The following C1QTNF3 variants were observed in gnomAD, a reference collection of about 807,000 sequenced individuals.
C1QTNF3 encodes C1q and TNF related 3.
C1QTNF3 carries 26 observed loss-of-function variants against 32.6 expected under a neutral mutation model. The observed-to-expected ratio is 0.80, with a 90% CI of 0.58 to 1.11. C1QTNF3 has a LOEUF of 1.11. C1QTNF3 is among the 50% of genes least tolerant of loss of function. C1QTNF3 has a pLI of 0.00. For synonymous variants in C1QTNF3, 155 were observed against 146.0 expected, an observed-to-expected ratio of 1.06 and a Z score of -0.44; for missense variants, 362 against 398.2, an observed-to-expected ratio of 0.91 and a Z score of 0.77.
upstream of C1QTNF3, among the ~76,000 whole-genome samples, chr5:34,048,091 G>A (rs1166359316): frequency 6.6e-6 from 1 of 152,176 alleles, no homozygotes; most frequent in African/African-American, 2.4e-5. Context: ...AAGGCTTTCA[G>A]AGACTCATGT....
chr5:34,058,745 G>T, the C1QTNF3 span, among the ~76,000 whole-genome samples: 1 of 152,112 alleles, frequency 6.6e-6, no homozygotes, highest in Admixed American at 6.6e-5. Context: ...ACTTTCAAAG[G>T]CCACTATTGG....
the C1QTNF3 span, among the ~76,000 whole-genome samples, chr5:34,104,762 C>G: frequency 6.9e-6 from 1 of 143,898 alleles, no homozygotes; most frequent in Non-Finnish European, 1.5e-5. Context: ...GTCTCAAACT[C>G]CTGACCTCAC....
rs538271678 is a variant in C1QTNF3, at chr5:34,021,505, A to C, written c.801-763T>G. Among the ~76,000 whole-genome samples, 6 of 152,370 alleles carry C rather than the reference A, an allele frequency of 3.9e-5. No homozygotes were observed. The East Asian group carries it at 1.2e-3, about 29-fold the overall frequency. On this transcript the variant is annotated intron_variant, in intron 5 of 5. Transcript: ENST00000382065. ...GATTAGGGCCTAACAAGGTTAAAAA[A>C]GCCAGGTGTCTTTATATCTGGAAGA... is the stretch of plus-strand genomic sequence containing the variant.
the C1QTNF3 span, among the ~76,000 whole-genome samples, chr5:34,154,235 A>AC: frequency 6.6e-6 from 1 of 152,192 alleles, no homozygotes. Flanking sequence ...GGAAAGTATA[A>AC]CGAGTTTTTT....
the C1QTNF3 span, among the ~76,000 whole-genome samples, chr5:34,144,677 T>C: frequency 6.6e-6 from 1 of 152,198 alleles, no homozygotes; most frequent in Non-Finnish European, 1.5e-5. Context: ...TACTCCTGAA[T>C]AACTCTTCAG....
the C1QTNF3 span, among the ~76,000 whole-genome samples, chr5:34,131,500 TTA>T: frequency 2.0e-5 from 3 of 151,930 alleles, no homozygotes; most frequent in African/African-American, 7.3e-5. Context: ...CAAGAGGACA[TTA>T]TGTTACGTAA....
At chr5:34,123,119 G>A in the C1QTNF3 span, among the ~76,000 whole-genome samples, 1 of 152,144 alleles carries the variant, frequency 6.6e-6, no homozygotes, top group Non-Finnish European at 1.5e-5. Flanking sequence ...GAGCTAGAAG[G>A]TCCAGGCAGA....
intron 1 of C1QTNF3, among the ~76,000 whole-genome samples, chr5:34,040,031 T>TC (rs1475477970): frequency 6.6e-6 from 1 of 152,218 alleles, no homozygotes; most frequent in Non-Finnish European, 1.5e-5. Flanking sequence ...TCCTCTGGCC[T>TC]TGTCTTTCAA....
chr5:34,110,774 A>G, the C1QTNF3 span, among the ~76,000 whole-genome samples: 4 of 151,958 alleles, frequency 2.6e-5, no homozygotes, highest in Admixed American at 2.0e-4. Flanking sequence ...TTCTTGTAAT[A>G]CATTCTCCCT....
chr5:34,083,281 CACTT>C, the C1QTNF3 span, among the ~76,000 whole-genome samples: 3 of 151,484 alleles, frequency 2.0e-5, no homozygotes, highest in African/African-American at 7.3e-5. Context: ...TCTGCCTTGA[CACTT>C]AATTAGTAAA....
the C1QTNF3 span, among the ~76,000 whole-genome samples, chr5:34,140,119 C>T: frequency 2.6e-5 from 4 of 152,060 alleles, no homozygotes; most frequent in South Asian, 2.1e-4. Flanking sequence ...TATGACTCAG[C>T]GGAGAGTTGA....
chr5:34,123,905 T>A, the C1QTNF3 span, among the ~76,000 whole-genome samples: 1 of 152,190 alleles, frequency 6.6e-6, no homozygotes, highest in African/African-American at 2.4e-5. Context: ...AAATTAAGTG[T>A]TCTTAATTTT....
chr5:34,132,970 T>A, the C1QTNF3 span, among the ~76,000 whole-genome samples: 1 of 152,196 alleles, frequency 6.6e-6, no homozygotes, highest in Non-Finnish European at 1.5e-5. Context: ...GATTGTGCAT[T>A]AGCCGTTTCT....
the C1QTNF3 span, chr5:34,166,666 A>T: frequency 6.6e-6 from 1 of 152,158 alleles, no homozygotes. Context: ...AAGTTTATTC[A>T]TCCAAAATAA....
the C1QTNF3 span, among the ~76,000 whole-genome samples, chr5:34,164,402 A>C: frequency 5.3e-5 from 8 of 152,076 alleles, no homozygotes; most frequent in Admixed American, 5.2e-4. Context: ...TAATGTTTTT[A>C]GCAGAGTTCA....
chr5:34,242,114 T>G, the C1QTNF3 span, among the ~76,000 whole-genome samples: 2 of 152,166 alleles, frequency 1.3e-5, no homozygotes, highest in Non-Finnish European at 2.9e-5. Flanking sequence ...GATTCAAGGC[T>G]ATCTCCATGA....
the C1QTNF3 span, among the ~76,000 whole-genome samples, chr5:34,074,153 C>T: frequency 1.3e-5 from 2 of 152,158 alleles, no homozygotes; most frequent in Non-Finnish European, 1.5e-5. Context: ...TATTATTGTA[C>T]TGGTGAGAAA....
the C1QTNF3 span, among the ~76,000 whole-genome samples, chr5:34,171,869 T>C: frequency 6.6e-6 from 1 of 152,218 alleles, no homozygotes; most frequent in East Asian, 1.9e-4. Flanking sequence ...CAGAAGTATA[T>C]TATTTTTCCT....
At position 34,020,403 on chromosome 5, in the gene C1QTNF3, G is replaced by T; in HGVS notation, c.*180C>A. On this transcript the variant is annotated 3_prime_UTR_variant, in exon 6 of 6. Coordinates refer to ENST00000382065, the MANE Select transcript of C1QTNF3 (RefSeq NM_181435.6). ...CATCTGAGAAGACTATTTTGTGGTT[G>T]ATTCTTCTGAGCCCCTGAATTGTCC... The T allele has an allele frequency of 1.5e-6, 1 of 684,636 alleles. No homozygotes were observed. The highest frequency in any genetic ancestry group is 2.5e-6 in the Non-Finnish European group (1 of 407,750). The allele number at this position is 684,636 out of a possible 1,614,324, so 42.4% of individuals were successfully genotyped here.
Sources: allele counts gnomAD v4.1 joint callset (sites outside exome capture counted in the v4.1 genomes callset), GRCh38; gene constraint gnomAD v4.1.1; transcripts MANE v1.5; gene names NCBI Gene and HGNC (gene_info 2026-07-23, HGNC 2026-07-21).